The following PCDH15 variants were observed in gnomAD, a reference collection of about 807,000 sequenced individuals.
PCDH15 encodes protocadherin related 15.
PCDH15 carries 129 observed loss-of-function variants against 178.5 expected under a neutral mutation model. The observed-to-expected ratio is 0.72, with a 90% confidence interval of 0.63 to 0.84. PCDH15 has a LOEUF of 0.84. Among genes scored for constraint, PCDH15 ranks in the 40% least tolerant of loss-of-function variants. PCDH15 has a pLI of 0.00. For missense variants in PCDH15, 2,230 were observed against 2,099.9 expected, an observed-to-expected ratio of 1.06 and a Z score of -1.21; for synonymous variants, 800 against 732.0, an observed-to-expected ratio of 1.09 and a Z score of -1.50.
intron 3 of PCDH15, among the ~76,000 whole-genome samples, chr10:54,879,281 A>G (rs1954216349): frequency 6.6e-6 from 1 of 151,952 alleles, no homozygotes; most frequent in Non-Finnish European, 1.5e-5. Context: ...CCTTAGAGAT[A>G]GTAGTAATAA....
At chr10:54,442,414 C>CTATA (rs71007859) in intron 3 of PCDH15, among the ~76,000 whole-genome samples, 196 of 19,004 alleles carry the variant, frequency 0.01, no homozygotes, top group Middle Eastern at 0.045. Context: ...GCCTTAAAGG[C>CTATA]TATATATATA....
chr10:55,137,488 G>A (rs1048310815), intron 2 of PCDH15, among the ~76,000 whole-genome samples: 1 of 151,202 alleles, frequency 6.6e-6, no homozygotes, highest in African/African-American at 2.4e-5. Context: ...CCCCAATTAC[G>A]CATTTCTCAG....
At chr10:55,549,559 G>A (rs778035722) in intron 2 of PCDH15, among the ~76,000 whole-genome samples, 1 of 152,102 alleles carries the variant, frequency 6.6e-6, no homozygotes, top group African/African-American at 2.4e-5. Flanking sequence ...GAGGGAGGGA[G>A]AAACAAAGAG....
intron 16 of PCDH15, among the ~76,000 whole-genome samples, chr10:54,085,162 T>C (rs1447628682): frequency 6.6e-6 from 1 of 152,014 alleles, no homozygotes; most frequent in African/African-American, 2.4e-5. Context: ...ATCTTTCTTA[T>C]ATATTATTTA....
chr10:55,447,478 T>G (rs1471979644), intron 2 of PCDH15, among the ~76,000 whole-genome samples: 1 of 152,006 alleles, frequency 6.6e-6, no homozygotes, highest in Non-Finnish European at 1.5e-5. Flanking sequence ...AAAAAAGTAT[T>G]GTTTAGACTA....
chr10:54,500,675 C>T (rs544618551), intron 3 of PCDH15, among the ~76,000 whole-genome samples: 2 of 151,870 alleles, frequency 1.3e-5, no homozygotes, highest in Admixed American at 1.3e-4. Context: ...ACTGAAAATA[C>T]AAAAATTAGC....
At chr10:54,561,932 T>A (rs2088222565) in intron 2 of PCDH15, among the ~76,000 whole-genome samples, 1 of 149,678 alleles carries the variant, frequency 6.7e-6, no homozygotes, top group African/African-American at 2.5e-5. Context: ...TCTGCCCACC[T>A]TGGCCTCCCA....
At chr10:54,126,578 G>C (rs1020370394) in intron 15 of PCDH15, among the ~76,000 whole-genome samples, 1 of 151,894 alleles carries the variant, frequency 6.6e-6, no homozygotes, top group Admixed American at 6.6e-5. Context: ...CTTTGACATG[G>C]TTAAATGTAT....
chr10:55,329,028 T>G (rs1844122916), intron 2 of PCDH15, among the ~76,000 whole-genome samples: 1 of 145,584 alleles, frequency 6.9e-6, no homozygotes, highest in South Asian at 2.2e-4. Context: ...TGTGTGTGTT[T>G]GTGTGTGTGT....
chr10:54,800,167 G>GA (rs1252786684), intron 1 of PCDH15, among the ~76,000 whole-genome samples: 4 of 152,084 alleles, frequency 2.6e-5, no homozygotes, highest in African/African-American at 9.7e-5. Flanking sequence ...TAGAGACACA[G>GA]AGTATCAACA....
chr10:55,374,065 T>C (rs1845564507), intron 2 of PCDH15, among the ~76,000 whole-genome samples: 2 of 148,444 alleles, frequency 1.3e-5, no homozygotes, highest in South Asian at 2.2e-4. Context: ...GTTCTGCACA[T>C]GTATCCCAGA....
intron 10 of PCDH15, among the ~76,000 whole-genome samples, chr10:54,200,005 A>G (rs2050068196): frequency 6.6e-6 from 1 of 152,120 alleles, no homozygotes; most frequent in Non-Finnish European, 1.5e-5. Context: ...CTCCATCTTC[A>G]ATATTGAAAA....
intron 1 of PCDH15, among the ~76,000 whole-genome samples, chr10:54,749,185 G>T (rs907276426): frequency 2.0e-5 from 3 of 151,988 alleles, no homozygotes; most frequent in African/African-American, 7.3e-5. Flanking sequence ...CCAAATCAGC[G>T]TCAGTAACTA....
intron 26 of PCDH15, among the ~76,000 whole-genome samples, chr10:53,879,616 A>G (rs2080543343): frequency 6.6e-6 from 1 of 152,226 alleles, no homozygotes; most frequent in Admixed American, 6.5e-5. Context: ...GTAAAAATTA[A>G]TAGCATTTTG....
At chr10:53,846,351 TGTCA>T (rs2077979075) in intron 28 of PCDH15, among the ~76,000 whole-genome samples, 1 of 151,866 alleles carries the variant, frequency 6.6e-6, no homozygotes, top group African/African-American at 2.4e-5. Context: ...TATTTAATTA[TGTCA>T]CCTTTAGGAA....
chr10:53,996,742 A>G (rs1051947499), intron 20 of PCDH15, among the ~76,000 whole-genome samples: 3 of 152,282 alleles, frequency 2.0e-5, no homozygotes, highest in East Asian at 3.9e-4. Flanking sequence ...ATGCTTATTC[A>G]TATGGCAGAT....
At chr10:55,523,812 G>A (rs1336101115) in intron 2 of PCDH15, among the ~76,000 whole-genome samples, 1 of 151,516 alleles carries the variant, frequency 6.6e-6, no homozygotes, top group East Asian at 1.9e-4. Context: ...AGTCTCTATT[G>A]TAGTAACACA....
chr10:53,809,460 T>A, intron 37 of PCDH15: 1 of 1,613,990 alleles, frequency 6.2e-7, no homozygotes, highest in Non-Finnish European at 8.5e-7. Context: ...CAGCTGCTGG[T>A]GGTTTTTCGA....
intron 2 of PCDH15, among the ~76,000 whole-genome samples, chr10:55,549,900 C>T (rs140556324): frequency 1.3e-5 from 2 of 148,960 alleles, no homozygotes; most frequent in African/African-American, 4.9e-5. Flanking sequence ...AAATCCTACG[C>T]CTCACGCATG....
Sources: gnomAD v4.1 joint callset for allele counts (sites outside exome capture counted in the v4.1 genomes callset) on GRCh38, gnomAD v4.1.1 for gene constraint, MANE v1.5 for transcripts, NCBI Gene and HGNC (gene_info 2026-07-23, HGNC 2026-07-21) for gene names.